ZUP1: variants seen among roughly 807,000 people sequenced by gnomAD.
The protein encoded by ZUP1 is zinc finger containing ubiquitin peptidase 1.
A neutral mutation model predicts 68.1 loss-of-function variants in ZUP1; 55 were observed. The observed-to-expected ratio is 0.81, with a 90% CI of 0.65 to 1.01. ZUP1 has a LOEUF of 1.01. Ranked by LOEUF, ZUP1 falls within the 50% of genes least tolerant of loss-of-function variation. The pLI is 0.00. For synonymous variants in ZUP1, 223 were observed against 221.5 expected (o/e 1.01, Z -0.06); for missense variants, 684 against 674.9 (o/e 1.01, Z -0.15).
At chr6:116,653,079 G>A (rs991072492) in intron 5 of ZUP1, among the ~76,000 whole-genome samples, 1 of 151,972 alleles carries the variant, frequency 6.6e-6, no homozygotes, top group Admixed American at 6.6e-5. Context: ...CCTTTAAAAT[G>A]TCATCGACCC....
intron 2 of ZUP1, among the ~76,000 whole-genome samples, chr6:116,665,655 C>T (rs1486333318): frequency 6.8e-6 from 1 of 147,702 alleles, no homozygotes; most frequent in East Asian, 2.0e-4. Flanking sequence ...TCATGGCTCA[C>T]TGCAGCGTCC....
intron 5 of ZUP1, among the ~76,000 whole-genome samples, chr6:116,655,884 T>C (rs1238301679): frequency 6.6e-6 from 1 of 152,156 alleles, no homozygotes; most frequent in East Asian, 1.9e-4. Flanking sequence ...CTATCGAGAA[T>C]TTGAAATGTG....
Position 116,638,509 on chromosome 6 carries a change from C to A in ZUP1, c.1690-2630G>T, listed in dbSNP as rs369264359. Among the ~76,000 whole-genome samples, 5 of 152,158 alleles carry A rather than the reference C, an allele frequency of 3.3e-5. No individual in the cohort carries two copies. The East Asian group carries it at 7.7e-4, about 23-fold the overall frequency. ...GTTAAATTCTAGAAATGTGAATATC[C>A]AATAAGCCCAAGTGCATAAAATAGA... is the stretch of plus-strand genomic sequence containing the variant. On this transcript the variant is annotated intron_variant, in intron 9 of 9. Coordinates refer to ENST00000368576, the MANE Select transcript of ZUP1 (RefSeq NM_145062.3).
intron 4 of ZUP1, among the ~76,000 whole-genome samples, chr6:116,658,468 C>T (rs546095001): frequency 1.6e-4 from 24 of 152,238 alleles, no homozygotes; most frequent in African/African-American, 5.3e-4. Flanking sequence ...TCAACTTACA[C>T]AGGTTTGAAT....
chr6:116,645,997 T>C, intron 8 of ZUP1, 63 bp from the exon 9 acceptor site: 1 of 1,173,422 alleles, frequency 8.5e-7, no homozygotes, highest in Non-Finnish European at 1.2e-6. Context: ...AAATAGTCTC[T>C]GTATGTATGT....
intron 9 of ZUP1, among the ~76,000 whole-genome samples, chr6:116,643,829 T>C (rs1046093157): frequency 2.6e-5 from 4 of 152,128 alleles, no homozygotes; most frequent in Non-Finnish European, 4.4e-5. Context: ...AAAGCCAAAA[T>C]TGACAAATGG....
At chr6:116,664,918 A>T (rs2114295883) in intron 2 of ZUP1, among the ~76,000 whole-genome samples, 1 of 152,132 alleles carries the variant, frequency 6.6e-6, no homozygotes, top group East Asian at 1.9e-4. Flanking sequence ...TCCAGAAAAA[A>T]TTTTAAAAAG....
At chr6:116,641,411 T>C (rs1034666653) in intron 9 of ZUP1, among the ~76,000 whole-genome samples, 1 of 151,996 alleles carries the variant, frequency 6.6e-6, no homozygotes, top group Non-Finnish European at 1.5e-5. Flanking sequence ...ACACCACACC[T>C]ATTCCAAAAT....
chr6:116,668,432 G>C (rs895123887), intron 1 of ZUP1, 134 bp downstream of exon 1: 7 of 152,414 alleles, frequency 4.6e-5, no homozygotes, highest in Admixed American at 2.0e-4. Flanking sequence ...GGTGGGTGAG[G>C]TCAGAAGACC....
At position 116,656,822 on chromosome 6, in the gene ZUP1, A is replaced by G. The variant is rs1776681900; in HGVS notation, c.823T>C (p.Tyr275His). 4 of 1,605,146 alleles carry G rather than the reference A, an allele frequency of 2.5e-6. No individual in the cohort carries two copies. The highest frequency in any genetic ancestry group is 1.7e-5 in the Admixed American group (1 of 58,824). Residue 275 changes from tyrosine (Y) to histidine (H), a missense_variant, in exon 5 of 10, where the codon TAC (tyrosine) becomes CAC (histidine). By Grantham distance (83) the Tyr-to-His change is moderately conservative. Coordinates refer to ENST00000368576, the MANE Select transcript of ZUP1 (RefSeq NM_145062.3). Reference protein sequence around the residue: ...RQYGLDNSGGYKQQQLRNMEI... With the variant: ...RQYGLDNSGGHKQQQLRNMEI... ...ATATTTCGTAGTTGTTGTTGTTTGT[A>G]TCCTCCAGAATTATCTAAACCATAT...
intron 4 of ZUP1, among the ~76,000 whole-genome samples, chr6:116,658,480 C>T (rs1481019777): frequency 6.6e-6 from 1 of 152,104 alleles, no homozygotes; most frequent in African/African-American, 2.4e-5. Flanking sequence ...GGTTTGAATG[C>T]AAGCTTTATC....
At chr6:116,645,597 A>AG in intron 9 of ZUP1, 117 bp downstream of exon 9, 6 of 809,648 alleles carry the variant, frequency 7.4e-6, no homozygotes, top group East Asian at 2.8e-5. Flanking sequence ...AAAAAAAAAA[A>AG]AAAAGAAAAA....
chr6:116,661,056 T>G (rs1562410959), intron 2 of ZUP1, among the ~76,000 whole-genome samples: 1 of 151,994 alleles, frequency 6.6e-6, no homozygotes, highest in Non-Finnish European at 1.5e-5. Context: ...TTTTTTTTTT[T>G]TTAGAGATGA....
At chr6:116,640,706 C>A (rs1224866266) in intron 9 of ZUP1, among the ~76,000 whole-genome samples, 4 of 151,906 alleles carry the variant, frequency 2.6e-5, no homozygotes, top group Non-Finnish European at 4.4e-5. Flanking sequence ...CATGGAAAGG[C>A]ACAACCGGTA....
intron 7 of ZUP1, among the ~76,000 whole-genome samples, chr6:116,649,433 C>T (rs1279588490): frequency 1.3e-5 from 2 of 151,996 alleles, no homozygotes; most frequent in African/African-American, 4.8e-5. Context: ...AAAGAGCTCA[C>T]ATCTTCAGAA....
rs763147913 is a variant in ZUP1 at position 116,666,788 on chromosome 6, T to C, written c.405A>G (p.Lys135=). The change falls in exon 2 of 10, where the codon AAA becomes AAG. Residue 135 remains lysine (K), a synonymous_variant. Transcript: ENST00000368576. ...ESRKFLKSRE[K]QSSLTEIKGS... is the part of the protein sequence containing the mutation. ...CTTTTATTTCGGTCAGGCTGGACTG[T>C]TTTTCCCTACTTTTCAGGAATTTTC... The C allele has an allele frequency of 6.2e-7, 1 of 1,613,646 alleles. No homozygotes were observed. Among genetic ancestry groups the C allele is most frequent in the Non-Finnish European group, 8.5e-7 (1 of 1,179,844 alleles).
rs1277731123 is a variant in ZUP1, at chr6:116,636,253, A to C, written c.1690-374T>G. 2.6e-5 allele frequency among the ~76,000 whole-genome samples: 4 copies of C among 152,290 alleles called. No individual in the cohort carries two copies. In the East Asian group the frequency reaches 7.7e-4, roughly 29 times the overall value. On this transcript the variant is annotated intron_variant, in intron 9 of 9. Transcript: ENST00000368576. ...ATAAACATTATGCATATCCCTCATTATAGTCTTAAAAACGTCACTTCAAAA... is the reference window on the plus strand; with the variant it reads ...ATAAACATTATGCATATCCCTCATTCTAGTCTTAAAAACGTCACTTCAAAA...
At chr6:116,650,136 A>C (rs899093850) in intron 7 of ZUP1, among the ~76,000 whole-genome samples, 46 of 152,272 alleles carry the variant, frequency 3.0e-4, no homozygotes, top group African/African-American at 1.1e-3. Context: ...GAAGGTAAAG[A>C]AGCAGGCCGG....
At chr6:116,661,634 T>G (rs1361363397) in intron 2 of ZUP1, among the ~76,000 whole-genome samples, 1 of 152,194 alleles carries the variant, frequency 6.6e-6, no homozygotes, top group Non-Finnish European at 1.5e-5. Flanking sequence ...ATTGTTCCTC[T>G]ATAAGACCAA....
Sources: allele counts gnomAD v4.1 joint callset (sites outside exome capture counted in the v4.1 genomes callset), GRCh38; gene constraint gnomAD v4.1.1; transcripts MANE v1.5; gene names NCBI Gene and HGNC (gene_info 2026-07-23, HGNC 2026-07-21).